Variants in LRCH2 observed in about 807,000 individuals in gnomAD.
LRCH2 encodes leucine-rich repeat and calponin homology domain-containing protein 2.
Under a neutral mutation model 68.9 loss-of-function variants are expected in LRCH2, and 38 were observed. The observed-to-expected ratio is 0.55, with a 90% CI of 0.43 to 0.72. LRCH2 has a LOEUF of 0.72. Ranked by LOEUF, LRCH2 falls within the 30% of genes least tolerant of loss-of-function variation. LRCH2 has a pLI of 0.00. For synonymous variants in LRCH2, 191 were observed against 208.1 expected (o/e 0.92, Z 0.71); for missense variants, 528 against 572.9 (o/e 0.92, Z 0.80).
intron 16 of LRCH2, 141 bp from the exon 17 acceptor site, chrX:115,124,143 C>T: frequency 3.1e-6 from 1 of 323,185 alleles, no homozygotes; most frequent in Non-Finnish European, 5.3e-6. Flanking sequence ...AAGTAACTTG[C>T]ATTTCAATTC....
chrX:115,115,436 A>T (rs782080820), intron 20 of LRCH2, among the ~76,000 whole-genome samples: 1 of 111,002 alleles, frequency 9.0e-6, no homozygotes, highest in South Asian at 3.7e-4. Context: ...GCTAAGACAG[A>T]CAATTCAATG....
intron 11 of LRCH2, 111 bp downstream of exon 11, chrX:115,163,565 T>C (rs1556542996): frequency 2.0e-6 from 1 of 493,020 alleles, no homozygotes; most frequent in African/African-American, 2.4e-5. Context: ...AGATAGATCT[T>C]AAGAGGGCAC....
intron 1 of LRCH2, chrX:115,189,704 C>T: frequency 8.6e-7 from 1 of 1,167,768 alleles, no homozygotes; most frequent in Non-Finnish European, 1.1e-6. Flanking sequence ...ATCAAACCGG[C>T]ATTCAAGAGC....
chrX:115,141,357 C>T (rs2072337051), intron 14 of LRCH2, among the ~76,000 whole-genome samples: 1 of 111,337 alleles, frequency 9.0e-6, no homozygotes, highest in African/African-American at 3.3e-5. Context: ...TAGGGAGACA[C>T]AAGACATCAA....
intron 1 of LRCH2, among the ~76,000 whole-genome samples, chrX:115,188,938 C>T (rs2072755597): frequency 1.8e-5 from 2 of 112,203 alleles, no homozygotes; most frequent in East Asian, 2.8e-4. Context: ...AAAATACCAA[C>T]GAAGAATTAT....
chrX:115,166,897 C>T (rs2072564016), intron 6 of LRCH2, among the ~76,000 whole-genome samples: 1 of 110,279 alleles, frequency 9.1e-6, no homozygotes, highest in Non-Finnish European at 1.9e-5. Flanking sequence ...GTATTTTTCA[C>T]TTAATTTGCA....
intron 14 of LRCH2, among the ~76,000 whole-genome samples, chrX:115,132,528 G>A (rs1252753016): frequency 8.9e-6 from 1 of 111,814 alleles, no homozygotes; most frequent in Non-Finnish European, 1.9e-5. Context: ...CACAACCCTT[G>A]GAAAAATAGA....
intron 1 of LRCH2, chrX:115,190,472 G>C: frequency 8.6e-7 from 1 of 1,167,472 alleles, no homozygotes; most frequent in Non-Finnish European, 1.1e-6. Context: ...AGTGAAGGCC[G>C]CTCGTCCGAG....
Position 115,233,739 on chromosome X carries a change from T to C in LRCH2, c.303A>G (p.Arg101=). The C allele has an allele frequency of 8.5e-7, 1 of 1,182,325 alleles. No homozygotes were observed. The highest frequency in any genetic ancestry group is 1.9e-5 in the South Asian group (1 of 53,273). ...GILSLSGRKL[R]DFPGSGYDLT... is the part of the protein sequence containing the mutation. ...GGTCGTAGCCGCTGCCCGGGAAGTC[T>C]CGGAGTTTCCGACCACTGAGGCTCA... Residue 101 remains arginine (R), a synonymous_variant, in exon 1 of 21, where the codon CGA becomes CGG. Coordinates refer to ENST00000317135, the MANE Select transcript of LRCH2 (RefSeq NM_020871.4).
rs1232715607 is a variant in LRCH2 at position 115,110,665 on chromosome X, G to A, written c.*2551C>T. ...GTTTGCATCGGTAATATACATTTAA[G>A]TGTTCCATTTATTTTTAAATGCATC... On this transcript the variant is annotated 3_prime_UTR_variant, in exon 21 of 21. Transcript: ENST00000317135. 2 of 111,938 alleles carry A rather than the reference G, an allele frequency of 1.8e-5. No individual in the cohort carries two copies. The highest frequency in any genetic ancestry group is 3.8e-5 in the Non-Finnish European group (2 of 53,146). The allele number at this position is 111,938 out of a possible 1,213,427, so 9.2% of individuals were successfully genotyped here.
intron 5 of LRCH2, among the ~76,000 whole-genome samples, chrX:115,172,646 T>G (rs895538615): frequency 2.7e-5 from 3 of 111,653 alleles, no homozygotes; most frequent in Non-Finnish European, 5.6e-5. Flanking sequence ...CATTTTTTCT[T>G]TTGAAAAATT....
At chrX:115,226,902 C>A (rs927830343) in intron 1 of LRCH2, among the ~76,000 whole-genome samples, 2 of 111,515 alleles carry the variant, frequency 1.8e-5, no homozygotes, top group African/African-American at 6.5e-5. Context: ...AAGCCCCCCT[C>A]TGCTGTTCAA....
intron 1 of LRCH2, among the ~76,000 whole-genome samples, chrX:115,230,475 G>C (rs1406197838): frequency 2.7e-5 from 3 of 111,211 alleles, no homozygotes; most frequent in Non-Finnish European, 3.8e-5. Flanking sequence ...AAGAGAGAAA[G>C]AGAAAGGAGA....
chrX:115,134,307 C>T (rs1403630819), intron 14 of LRCH2, among the ~76,000 whole-genome samples: 3 of 112,606 alleles, frequency 2.7e-5, no homozygotes, highest in Non-Finnish European at 5.6e-5. Context: ...GATGTAGAAG[C>T]TGAAGCAAGT....
intron 3 of LRCH2, among the ~76,000 whole-genome samples, chrX:115,182,537 C>T (rs188102067): frequency 9.0e-6 from 1 of 111,672 alleles, no homozygotes; most frequent in African/African-American, 3.2e-5. Context: ...AAAAACACAT[C>T]TTAAGAGTTT....
intron 10 of LRCH2, among the ~76,000 whole-genome samples, chrX:115,165,115 T>C: frequency 9.1e-6 from 1 of 110,062 alleles, no homozygotes; most frequent in Non-Finnish European, 1.9e-5. Flanking sequence ...GTTAAATAGC[T>C]CAAATGAAGC....
chrX:115,231,700 A>C (rs782789305), intron 1 of LRCH2, among the ~76,000 whole-genome samples: 1 of 112,318 alleles, frequency 8.9e-6, no homozygotes, highest in South Asian at 3.7e-4. Context: ...TTAAAAGCCA[A>C]AGGCTGTAAC....
At chrX:115,133,800 A>G (rs961449856) in intron 14 of LRCH2, among the ~76,000 whole-genome samples, 1 of 111,640 alleles carries the variant, frequency 9.0e-6, no homozygotes, top group African/African-American at 3.3e-5. Context: ...TCCCTGACAC[A>G]CAATAATATT....
At chrX:115,159,881 A>G (rs1000164860) in intron 11 of LRCH2, among the ~76,000 whole-genome samples, 1 of 111,635 alleles carries the variant, frequency 9.0e-6, no homozygotes, top group Non-Finnish European at 1.9e-5. Context: ...TGAGTTACCA[A>G]TTTGATGGTT....
Sources: allele counts gnomAD v4.1 joint callset (sites outside exome capture counted in the v4.1 genomes callset), GRCh38; gene constraint gnomAD v4.1.1; transcripts MANE v1.5; gene names NCBI Gene and HGNC (gene_info 2026-07-23, HGNC 2026-07-21).